Variants in FAM193A observed in about 807,000 individuals in gnomAD.
FAM193A encodes protein FAM193A.
Under a neutral mutation model 126.5 loss-of-function variants are expected in FAM193A, and 22 were observed. The observed-to-expected ratio is 0.17, with a 90% confidence interval of 0.12 to 0.25. FAM193A has a LOEUF of 0.25. Among genes scored for constraint, FAM193A ranks in the 10% least tolerant of loss-of-function variants. The pLI is 1.00. For missense variants in FAM193A, 1,675 were observed against 1,672.8 expected (o/e 1.00, Z -0.02); for synonymous variants, 761 against 646.8 (o/e 1.18, Z -2.68).
In FAM193A at chr4:2,659,710, G is replaced by A. The variant is rs17164078; in HGVS notation, c.1502+40G>A. The A allele has an allele frequency of 5.3e-3, 8,545 of 1,608,104 alleles. 404 individuals carry two copies. In the African/African-American group the frequency reaches 0.1, roughly 19 times the overall value. On this transcript the variant is annotated intron_variant, in intron 9 of 20. Transcript: ENST00000637812. ...TGGTGTCAGCACGACTGGCCCATTG[G>A]ACCTTCACTGGGCTGAGTGGAGGCC... is the stretch of plus-strand genomic sequence containing the variant.
intron 1 of FAM193A, among the ~76,000 whole-genome samples, chr4:2,566,437 C>T (rs562897397): frequency 1.3e-5 from 2 of 152,214 alleles, no homozygotes; most frequent in Admixed American, 6.5e-5. Context: ...CACCTGTAAT[C>T]CCAACGCTTT....
intron 1 of FAM193A, among the ~76,000 whole-genome samples, chr4:2,549,398 T>TC (rs1035374160): frequency 2.2e-5 from 3 of 137,100 alleles, no homozygotes; most frequent in Non-Finnish European, 4.8e-5. Flanking sequence ...TTTTTTTCTT[T>TC]TTTTTTTTTT....
At chr4:2,626,114 A>G (rs969422352) in intron 3 of FAM193A, among the ~76,000 whole-genome samples, 1 of 152,160 alleles carries the variant, frequency 6.6e-6, no homozygotes, top group African/African-American at 2.4e-5. Context: ...AAAGCTGCCC[A>G]TTAAGTACCT....
At chr4:2,543,217 C>T (rs1276428387) in intron 1 of FAM193A, among the ~76,000 whole-genome samples, 2 of 151,834 alleles carry the variant, frequency 1.3e-5, no homozygotes, top group African/African-American at 2.4e-5. Flanking sequence ...CCTCCCAGGT[C>T]GCTGGGGCTA....
intron 1 of FAM193A, among the ~76,000 whole-genome samples, chr4:2,573,639 C>T (rs77638589): frequency 0.028 from 4,322 of 152,162 alleles, 221 homozygotes; most frequent in African/African-American, 0.098. Context: ...AGTGCTGCTG[C>T]GCCACCCCTC....
rs974697298 is a variant in FAM193A at position 2,693,703 on chromosome 4, C to G, written c.2921C>G (p.Pro974Arg). 7 of 1,614,026 alleles carry G rather than the reference C, an allele frequency of 4.3e-6. No homozygotes were observed. The highest frequency in any genetic ancestry group is 5.9e-6 in the Non-Finnish European group (7 of 1,179,998). The change falls in exon 16 of 21, where the codon CCT becomes CGT. Residue 974 changes from proline (P) to arginine (R), a missense_variant. Coordinates refer to ENST00000637812, the MANE Select transcript of FAM193A (RefSeq NM_001366318.2). ...GCGCTCTCGCCTGCTGCGCTGTCAC[C>G]TGCTGCGCTCTCACCTGCCTCCACA... ...LPALSPAALS[P>R]AALSPASTPH...
intron 19 of FAM193A, among the ~76,000 whole-genome samples, chr4:2,703,088 T>C (rs1420123774): frequency 6.6e-6 from 1 of 152,194 alleles, no homozygotes; most frequent in East Asian, 1.9e-4. Flanking sequence ...CTGGGTTCTT[T>C]TCTACTTCAT....
At chr4:2,629,219 C>A (rs1056420865) in intron 4 of FAM193A, among the ~76,000 whole-genome samples, 183 of 135,606 alleles carry the variant, frequency 1.3e-3, no homozygotes, top group Admixed American at 2.1e-3. Flanking sequence ...CAGAAATAGA[C>A]AAAAAAAAAA....
intron 1 of FAM193A, among the ~76,000 whole-genome samples, chr4:2,537,397 C>T (rs1340226068): frequency 6.6e-6 from 1 of 152,182 alleles, no homozygotes; most frequent in Non-Finnish European, 1.5e-5. Context: ...GAGAGGAGAA[C>T]CTGAGCAGAG....
chr4:2,652,593 A>G (rs778636369), intron 7 of FAM193A, among the ~76,000 whole-genome samples: 4 of 152,046 alleles, frequency 2.6e-5, no homozygotes, highest in Non-Finnish European at 4.4e-5. Context: ...ACACACTTTT[A>G]AACAACCAGA....
chr4:2,620,610 G>A (rs1742480084), intron 2 of FAM193A, among the ~76,000 whole-genome samples: 1 of 152,116 alleles, frequency 6.6e-6, no homozygotes. Flanking sequence ...ACTCTGGGAG[G>A]CTGAGGCAGG....
intron 6 of FAM193A, among the ~76,000 whole-genome samples, chr4:2,643,812 C>T (rs1355723612): frequency 1.3e-5 from 2 of 152,124 alleles, no homozygotes; most frequent in African/African-American, 2.4e-5. Flanking sequence ...TGCTCAGATC[C>T]CCTGGCAGGC....
In FAM193A at chr4:2,663,298, T is replaced by C. The variant is rs1712706899; in HGVS notation, c.2079+10T>C. ...CTACCCAACACAGCAGGTAGGACTT[T>C]GCTTGCTGTTTTGCCAAGGATCTCT... On this transcript the variant is annotated intron_variant, in intron 12 of 20. Coordinates refer to ENST00000637812, the MANE Select transcript of FAM193A (RefSeq NM_001366318.2). 8 of 1,544,394 alleles carry C rather than the reference T, an allele frequency of 5.2e-6. No individual in the cohort carries two copies. Among genetic ancestry groups the C allele is most frequent in the South Asian group, 2.4e-5 (2 of 82,316 alleles).
chr4:2,712,304 C>T (rs1039967816), intron 19 of FAM193A, among the ~76,000 whole-genome samples: 1 of 151,784 alleles, frequency 6.6e-6, no homozygotes, highest in Non-Finnish European at 1.5e-5. Flanking sequence ...TATTTTGTGT[C>T]CTCATGGCCT....
chr4:2,696,606 T>A lies in FAM193A; in HGVS notation c.3507+13T>A. 1 of 1,606,454 alleles carries A rather than the reference T, an allele frequency of 6.2e-7. No homozygotes were observed. Among genetic ancestry groups the A allele is most frequent in the Non-Finnish European group, 8.5e-7 (1 of 1,173,204 alleles). ...TAAGCAAAGGAAGGCAAGTGACAGT[T>A]CTCAGCACCTGGAGGCGCCAGGTCT... On this transcript the variant is annotated intron_variant, in intron 18 of 20. Transcript: ENST00000637812.
At chr4:2,560,130 A>G (rs887791947) in intron 1 of FAM193A, among the ~76,000 whole-genome samples, 1 of 151,666 alleles carries the variant, frequency 6.6e-6, no homozygotes, top group East Asian at 1.9e-4. Flanking sequence ...TTTAGTAGAG[A>G]TGGGGTTTCG....
At chr4:2,654,411 G>GT (rs1745974485) in intron 7 of FAM193A, 1 of 86,402 alleles carries the variant, frequency 1.2e-5, no homozygotes, top group Admixed American at 1.1e-4. Flanking sequence ...TGTATTTTTG[G>GT]TAGAGACGGG....
Position 2,693,834 on chromosome 4 carries a change from G to A in FAM193A, c.3052G>A (p.Ala1018Thr), listed in dbSNP as rs766362827. 6.2e-7 allele frequency: 1 copy of A among 1,614,186 alleles called. No homozygotes were observed. The highest frequency in any genetic ancestry group is 1.1e-5 in the South Asian group (1 of 91,080). The change falls in exon 16 of 21, where the codon GCC (alanine) becomes ACC (threonine). Residue 1018 changes from alanine to threonine, a missense_variant. Coordinates refer to ENST00000637812, the MANE Select transcript of FAM193A (RefSeq NM_001366318.2). ...KSFCPAPLPP[A>T]TDGSISAPPS... ...TTTCTGTCCTGCACCCCTACCCCCG[G>A]CCACAGATGGCTCCATTAGCGCCCC...
At chr4:2,718,292 G>GA (rs1254994836) in intron 20 of FAM193A, among the ~76,000 whole-genome samples, 2 of 151,394 alleles carry the variant, frequency 1.3e-5, no homozygotes, top group East Asian at 1.9e-4. Flanking sequence ...GAATAATAGA[G>GA]AAAAAAAGAC....
Sources: allele counts gnomAD v4.1 joint callset (sites outside exome capture counted in the v4.1 genomes callset), GRCh38; gene constraint gnomAD v4.1.1; transcripts MANE v1.5; gene names NCBI Gene and HGNC (gene_info 2026-07-23, HGNC 2026-07-21).